Variants in PDE6B observed in about 807,000 individuals in gnomAD.
The protein encoded by PDE6B is phosphodiesterase 6B.
Under a neutral mutation model 109.0 loss-of-function variants are expected in PDE6B, and 106 were observed. The observed-to-expected ratio is 0.97, with a 90% CI of 0.83 to 1.14. The LOEUF (loss-of-function observed/expected upper bound fraction) is 1.14. Ranked by LOEUF, PDE6B falls within the 50% of genes most tolerant of loss-of-function variation. PDE6B has a pLI of 0.00. For missense variants in PDE6B, 1,193 were observed against 1,155.6 expected, an observed-to-expected ratio of 1.03 and a Z score of -0.47; for synonymous variants, 490 against 471.3, an observed-to-expected ratio of 1.04 and a Z score of -0.51.
At position 666,248 on chromosome 4, in the gene PDE6B, G is replaced by GT. The variant is rs993619490; in HGVS notation, c.2269-282dup. 3.3e-5 allele frequency among the ~76,000 whole-genome samples: 5 copies of GT among 152,182 alleles called. No individual in the cohort carries two copies. The highest frequency in any genetic ancestry group is 5.9e-5 in the Non-Finnish European group (4 of 68,022). On this transcript the variant is annotated intron_variant, in intron 19 of 21. Transcript: ENST00000496514. The surrounding 1 kb of genome is among the most constrained non-coding windows in gnomAD (Gnocchi z 5.6). ...CCCTCCCCGCCTCTCCCCAGCTGCA[G>GT]TAAGGGTCCCCAGAGCCAAGAGGGG...
At chr4:630,118 G>A (rs1427351801) in intron 1 of PDE6B, among the ~76,000 whole-genome samples, 1 of 152,176 alleles carries the variant, frequency 6.6e-6, no homozygotes, top group Non-Finnish European at 1.5e-5. Flanking sequence ...AGGAGAGACG[G>A]GGGGCCAGCA....
rs1241355647 is a variant in PDE6B at position 626,171 on chromosome 4, G to A, written c.468+77G>A. On this transcript the variant is annotated intron_variant, in intron 1 of 21. Transcript: ENST00000496514. The surrounding 1 kb of genome is among the most constrained non-coding windows in gnomAD (Gnocchi z 4.6). ...GTCCCAGGTGTCTAAGGGTCAGCTCGGATCCTCAGGCCTCCAGGGAGGCCT... is the reference window on the plus strand; with the variant it reads ...GTCCCAGGTGTCTAAGGGTCAGCTCAGATCCTCAGGCCTCCAGGGAGGCCT... 7.9e-6 allele frequency: 7 copies of A among 889,776 alleles called. No individual in the cohort carries two copies. The Admixed American group carries it at 8.0e-5, about 10-fold the overall frequency. The allele number at this position is 889,776 out of a possible 1,614,324, so 55.1% of individuals were successfully genotyped here.
chr4:657,333 C>G lies in PDE6B; in HGVS notation c.1258-18C>G. 1.2e-6 allele frequency: 2 copies of G among 1,612,652 alleles called. No homozygotes were observed. The highest frequency in any genetic ancestry group is 1.7e-6 in the Non-Finnish European group (2 of 1,179,766). On this transcript the variant is annotated intron_variant, in intron 9 of 21. Coordinates refer to ENST00000496514, the MANE Select transcript of PDE6B (RefSeq NM_000283.4). ...CGCCGGGAGCGCTGAGCGCCAGTGA[C>G]ACTGCCATCCCCTCCAGTCCCTGAC...
chr4:628,705 T>C (rs1417318598), intron 1 of PDE6B, among the ~76,000 whole-genome samples: 4 of 152,198 alleles, frequency 2.6e-5, no homozygotes, highest in Non-Finnish European at 4.4e-5. Context: ...CCCAGGGGTC[T>C]GTCCCAGGAG....
intron 1 of PDE6B, among the ~76,000 whole-genome samples, chr4:629,891 A>T (rs28711586): frequency 0.2 from 31,070 of 152,132 alleles, 3,803 homozygotes; most frequent in African/African-American, 0.34. Context: ...CACAGCCCCC[A>T]GGCCTGCTAG....
At position 663,949 on chromosome 4, in the gene PDE6B, GCGGCACAGCCCGGGGGACGCAGCCC is replaced by G. The variant is rs1301110502; in HGVS notation, c.2021+83_2021+107del. Reference sequence around the variant, plus strand: ...CCCCGGCAGACACGGGGGCGCAGCGGCGGCACAGCCCGGGGGACGCAGCCCCGGATTCCGTCCCTGCCCGCCGGCC... The same window carrying G: ...CCCCGGCAGACACGGGGGCGCAGCGGCGGATTCCGTCCCTGCCCGCCGGCC... On this transcript the variant is annotated intron_variant, in intron 16 of 21. Coordinates refer to ENST00000496514, the MANE Select transcript of PDE6B (RefSeq NM_000283.4). The surrounding 1 kb of genome is among the most constrained non-coding windows in gnomAD (Gnocchi z 4.0). 5 of 1,165,942 alleles carry G rather than the reference GCGGCACAGCCCGGGGGACGCAGCCC, an allele frequency of 4.3e-6. No individual in the cohort carries two copies. Among genetic ancestry groups the G allele is most frequent in the African/African-American group, 1.6e-5 (1 of 63,394 alleles). 72.2% of individuals were successfully genotyped at this position (1,165,942 alleles called of 1,614,324 possible).
rs199690401 is a variant in PDE6B at position 634,800 on chromosome 4, G to C, written c.592G>C (p.Gly198Arg). ...AVIMAVNKLN[G>R]PFFTSEDEDV... Reference sequence around the variant, plus strand: ...GATCATGGCAGTGAACAAGCTCAACGGCCCATTCTTCACCAGCGAAGACGA... The same window carrying C: ...GATCATGGCAGTGAACAAGCTCAACCGCCCATTCTTCACCAGCGAAGACGA... The change falls in exon 2 of 22, where the codon GGC becomes CGC. Residue 198 changes from glycine to arginine, a missense_variant. Transcript: ENST00000496514. 1 of 1,613,924 alleles carries C rather than the reference G, an allele frequency of 6.2e-7. No individual in the cohort carries two copies. The highest frequency in any genetic ancestry group is 8.5e-7 in the Non-Finnish European group (1 of 1,179,856).
intron 3 of PDE6B, among the ~76,000 whole-genome samples, chr4:642,725 C>CAAAAAAAAAAAAAAAAAAAAAAAAAAAAA (rs71636506): frequency 6.9e-5 from 3 of 43,336 alleles, no homozygotes; most frequent in African/African-American, 2.8e-4. Context: ...GACACTGTCT[C>CAAAAAAAAAAAAAAAAAAAAAAAAAAAAA]AAAAAAAAAA....
At chr4:652,029 G>GCGGCT in intron 3 of PDE6B, 1 of 161,460 alleles carries the variant, frequency 6.2e-6, no homozygotes. Context: ...TGGGGTCAGG[G>GCGGCT]CAGGAGAGTG....
Position 670,521 on chromosome 4 carries a change from C to G in PDE6B, c.*414C>G. The G allele has an allele frequency of 4.4e-6, 1 of 226,098 alleles. No individual in the cohort carries two copies. The highest frequency in any genetic ancestry group is 5.4e-5 in the South Asian group (1 of 18,604). 14.0% of individuals were successfully genotyped at this position (226,098 alleles called of 1,614,324 possible). On this transcript the variant is annotated 3_prime_UTR_variant, in exon 22 of 22. Transcript: ENST00000496514. ...CTTCCTGAAGTGCTGGGATTACAGG[C>G]ATGAGCCACCACGCCCAGCCTGTTT...
Position 626,736 on chromosome 4 carries a change from A to C in PDE6B, c.468+642A>C, listed in dbSNP as rs895338276. 2.0e-5 allele frequency among the ~76,000 whole-genome samples: 3 copies of C among 152,188 alleles called. No homozygotes were observed. Among genetic ancestry groups the C allele is most frequent in the Admixed American group, 2.0e-4 (3 of 15,286 alleles). The stretch of plus-strand genomic sequence containing the variant: ...CGAGACAGGCTCACTGGAGTCACTG[A>C]AGGAGGGAAGGGCAGGGCCTGTTCA... On this transcript the variant is annotated intron_variant, in intron 1 of 21. Transcript: ENST00000496514. This position sits in a 1 kb window ranked among gnomAD's most constrained non-coding sequence, Gnocchi z 4.6.
chr4:649,862 A>T (rs559446700), intron 3 of PDE6B, among the ~76,000 whole-genome samples: 1 of 152,172 alleles, frequency 6.6e-6, no homozygotes, highest in Non-Finnish European at 1.5e-5. Flanking sequence ...TGAGAGGGCC[A>T]TGAGGCTGAG....
Position 670,036 on chromosome 4 carries a change from T to C in PDE6B, c.2504-10T>C. 6.2e-7 allele frequency: 1 copy of C among 1,611,598 alleles called. No homozygotes were observed. The highest frequency in any genetic ancestry group is 2.2e-5 in the East Asian group (1 of 44,864). On this transcript the variant is annotated splice_polypyrimidine_tract_variant and intron_variant, in intron 21 of 21. Transcript: ENST00000496514. ...TGGTTCCACTCACCATCTTCTGTCT[T>C]CTCTTGCAGTAGGCACAGAAATTTG...
At position 664,372 on chromosome 4, in the gene PDE6B, C is replaced by T. The variant is rs535007303; in HGVS notation, c.2129+151C>T. 78 of 689,904 alleles carry T rather than the reference C, an allele frequency of 1.1e-4. No homozygotes were observed. The African/African-American group carries it at 1.2e-3, about 11-fold the overall frequency. The allele number at this position is 689,904 out of a possible 1,614,324, so 42.7% of individuals were successfully genotyped here. ...GTCGAGGGCTGTGAAACAAATGCGC[C>T]GTCCTTATTTCCCCCCAGCTCTCAG... On this transcript the variant is annotated intron_variant, in intron 17 of 21. Coordinates refer to ENST00000496514, the MANE Select transcript of PDE6B (RefSeq NM_000283.4).
intron 3 of PDE6B, among the ~76,000 whole-genome samples, chr4:649,549 C>T (rs935413773): frequency 4.6e-5 from 7 of 152,138 alleles, no homozygotes; most frequent in African/African-American, 1.7e-4. Flanking sequence ...TCCCCAGGCA[C>T]TCGCTGGGGT....
chr4:647,014 C>T (rs1238695535), intron 3 of PDE6B, among the ~76,000 whole-genome samples: 1 of 151,746 alleles, frequency 6.6e-6, no homozygotes, highest in Non-Finnish European at 1.5e-5. Flanking sequence ...CCCACCACCG[C>T]GGCCCGGCTA....
intron 21 of PDE6B, among the ~76,000 whole-genome samples, chr4:669,226 TCCCCTACCCTATGCTGC>T (rs1738175718): frequency 1.4e-5 from 1 of 70,724 alleles, no homozygotes; most frequent in African/African-American, 5.2e-5. Flanking sequence ...CCCATGCTAT[TCCCCTACCCTATGCTGC>T]TCCCACTACC....
In PDE6B at chr4:664,099, G is replaced by A. The variant is rs781308113; in HGVS notation, c.2022-15G>A. ...ACTTGCTCCCACCTGCACCTCCCTT[G>A]TTCCCTGGGTTCAGGAAGAGAGCGA... On this transcript the variant is annotated splice_polypyrimidine_tract_variant and intron_variant, in intron 16 of 21. Coordinates refer to ENST00000496514, the MANE Select transcript of PDE6B (RefSeq NM_000283.4). 1 of 1,562,082 alleles carries A rather than the reference G, an allele frequency of 6.4e-7. No homozygotes were observed.
chr4:663,607 TGAG>T lies in PDE6B; in HGVS notation c.1921-158_1921-156del. 1.5e-6 allele frequency: 1 copy of T among 666,628 alleles called. No individual in the cohort carries two copies. The allele number at this position is 666,628 out of a possible 1,614,324, so 41.3% of individuals were successfully genotyped here. A position where few individuals can be genotyped will look rare whatever the true frequency, so the allele number is the denominator to read the frequency against. ...GCCGCTGGTGGAGAGCTGGGCACCC[TGAG>T]GAGGGCCCTGAGCAGCAGGCGGATT... On this transcript the variant is annotated intron_variant, in intron 15 of 21. Transcript: ENST00000496514. This position sits in a 1 kb window ranked among gnomAD's most constrained non-coding sequence, Gnocchi z 4.0.
Sources: allele counts gnomAD v4.1 joint callset (sites outside exome capture counted in the v4.1 genomes callset), GRCh38; gene constraint gnomAD v4.1.1; non-coding constraint Gnocchi (gnomAD v3.1); transcripts MANE v1.5; gene names NCBI Gene and HGNC (gene_info 2026-07-23, HGNC 2026-07-21).